Variants in DDRGK1 observed in about 807,000 individuals in gnomAD.
DDRGK1 encodes the protein DDRGK domain-containing protein 1.
Under a neutral mutation model 45.8 loss-of-function variants are expected in DDRGK1, and 38 were observed. The observed-to-expected ratio is 0.83, with a 90% confidence interval of 0.64 to 1.09. DDRGK1 has a LOEUF of 1.09. Ranked by LOEUF, DDRGK1 falls within the 50% of genes least tolerant of loss-of-function variation. The pLI is 0.00. For missense variants in DDRGK1, 403 were observed against 419.9 expected (o/e 0.96, Z 0.35); for synonymous variants, 171 against 168.7 (o/e 1.01, Z -0.11).
At chr20:3,193,586 G>C (rs1366972547) in intron 6 of DDRGK1, among the ~76,000 whole-genome samples, 1 of 152,294 alleles carries the variant, frequency 6.6e-6, no homozygotes, top group South Asian at 2.1e-4. Flanking sequence ...GCCCAGGCTA[G>C]TCTCAAACTC....
At chr20:3,195,150 G>T in intron 5 of DDRGK1, 81 bp downstream of exon 5, 4 of 1,605,244 alleles carry the variant, frequency 2.5e-6, no homozygotes, top group Non-Finnish European at 3.4e-6. Context: ...GGGGCGTCTG[G>T]GATGGGGTGG....
intron 1 of DDRGK1, among the ~76,000 whole-genome samples, chr20:3,204,018 G>A (rs1369375468): frequency 6.6e-6 from 1 of 152,208 alleles, no homozygotes; most frequent in Non-Finnish European, 1.5e-5. Context: ...TTCTGATCGG[G>A]GAGCGGATTG....
In DDRGK1 at chr20:3,194,833, G is replaced by T; in HGVS notation, c.669C>A (p.Ile223=). ...GCTCTGTTCAGTGGCTTCTTACCTT[G>T]ATGTAGTTGATGAACTCTGTCAGGA... is the stretch of plus-strand genomic sequence containing the variant. ...QSFLTEFINY[I]KQSKVVLLED... is the part of the protein sequence containing the mutation. The change falls in exon 6 of 9, where the codon ATC becomes ATA. Residue 223 remains isoleucine, a synonymous_variant. Coordinates refer to ENST00000354488, the MANE Select transcript of DDRGK1 (RefSeq NM_023935.3). 2 of 1,614,156 alleles carry T rather than the reference G, an allele frequency of 1.2e-6. No homozygotes were observed. Among genetic ancestry groups the T allele is most frequent in the Non-Finnish European group, 1.7e-6 (2 of 1,180,006 alleles).
intron 4 of DDRGK1, among the ~76,000 whole-genome samples, chr20:3,196,693 A>G (rs1048152872): frequency 6.6e-6 from 1 of 151,976 alleles, no homozygotes; most frequent in Non-Finnish European, 1.5e-5. Flanking sequence ...AAACAAAAAC[A>G]AGAATCAGAA....
Position 3,200,091 on chromosome 20 carries a change from A to C in DDRGK1, c.420T>G (p.Ala140=). 6.2e-7 allele frequency: 1 copy of C among 1,613,642 alleles called. No homozygotes were observed. The highest frequency in any genetic ancestry group is 1.3e-5 in the African/African-American group (1 of 75,024). The part of the protein sequence containing the change: ...ARKAQREAEE[A]EREERKRLES... ...CGAGTCGTTTCCGCTCCTCACGTTC[A>C]GCCTCCTCTGCCTGGAGAGAGGTCT... The change falls in exon 4 of 9, where the codon GCT becomes GCG. Residue 140 remains alanine, a synonymous_variant. Transcript: ENST00000354488.
rs775434161 is a variant in DDRGK1 at position 3,203,337 on chromosome 20, C to T, written c.171G>A (p.Glu57=). The T allele has an allele frequency of 1.9e-6, 3 of 1,608,952 alleles. No homozygotes were observed. The Admixed American group carries it at 5.0e-5, about 27-fold the overall frequency. The part of the protein sequence containing the change: ...VAQPGPLEPE[E]PRAGGRPRRR... ...GCCGAGGCCTGCCTCCAGCTCTCGG[C>T]TCCTCAGGCTCCAGGGGCCCAGGCT... Residue 57 remains glutamate (E), a synonymous_variant, in exon 2 of 9, where the codon GAG becomes GAA. Coordinates refer to ENST00000354488, the MANE Select transcript of DDRGK1 (RefSeq NM_023935.3).
chr20:3,204,382 C>CG (rs971202793), intron 1 of DDRGK1, among the ~76,000 whole-genome samples, 155 bp downstream of exon 1: 3 of 152,102 alleles, frequency 2.0e-5, no homozygotes, highest in Non-Finnish European at 4.4e-5. Context: ...TAGGGCACTG[C>CG]GGAAGCCCCA....
chr20:3,203,070 G>C (rs896530904), intron 2 of DDRGK1, 143 bp downstream of exon 2: 1 of 736,622 alleles, frequency 1.4e-6, no homozygotes, highest in Admixed American at 3.6e-5. Context: ...CAGGTCCCAA[G>C]TCCCCCCCTA....
chr20:3,204,420 G>A, intron 1 of DDRGK1, 117 bp downstream of exon 1: 1 of 1,031,590 alleles, frequency 9.7e-7, no homozygotes, highest in East Asian at 2.6e-5. Flanking sequence ...GCACGGACGC[G>A]CATGCGTCCC....
At chr20:3,202,002 CG>C (rs1486989403) in intron 2 of DDRGK1, among the ~76,000 whole-genome samples, 3 of 143,828 alleles carry the variant, frequency 2.1e-5, no homozygotes, top group African/African-American at 7.8e-5. Flanking sequence ...TTTTTGGAGA[CG>C]GAGTCTCGCT....
At chr20:3,196,847 C>T (rs1287428880) in intron 4 of DDRGK1, among the ~76,000 whole-genome samples, 1 of 118,762 alleles carries the variant, frequency 8.4e-6, no homozygotes, top group Non-Finnish European at 1.7e-5. Context: ...AAAGCTGGAA[C>T]AATCTCAACA....
intron 2 of DDRGK1, 127 bp from the exon 3 acceptor site, chr20:3,200,581 C>T: frequency 1.3e-6 from 1 of 756,310 alleles, no homozygotes; most frequent in Non-Finnish European, 2.2e-6. Context: ...TGTCACTAGC[C>T]CAGCTCTGCC....
Position 3,204,537 on chromosome 20 carries a change from C to G in DDRGK1, c.91G>C (p.Ala31Pro), listed in dbSNP as rs1002497749. 1 of 1,559,554 alleles carries G rather than the reference C, an allele frequency of 6.4e-7. No individual in the cohort carries two copies. The highest frequency in any genetic ancestry group is 8.6e-7 in the Non-Finnish European group (1 of 1,159,262). Residue 31 changes from alanine to proline, a missense_variant and splice_region_variant, in exon 1 of 9, where the codon GCC (alanine) becomes CCC (proline). Physicochemically the swap from Ala to Pro is conservative, Grantham distance 27. Coordinates refer to ENST00000354488, the MANE Select transcript of DDRGK1 (RefSeq NM_023935.3). ...ACCCTGGTGCAGCGGCATCTCCTAC[C>G]TGATGCCGCCCGGCCCCGGCTGCGA... ...LTRSRGRAAS[A>P]GQEPLHNEEL...
intron 4 of DDRGK1, among the ~76,000 whole-genome samples, chr20:3,197,803 G>A (rs1370914568): frequency 2.6e-5 from 4 of 151,440 alleles, no homozygotes; most frequent in Admixed American, 6.6e-5. Flanking sequence ...GGTGGTGCAC[G>A]TCTGTCATCC....
At chr20:3,198,150 G>A (rs1303514634) in intron 4 of DDRGK1, among the ~76,000 whole-genome samples, 3 of 143,882 alleles carry the variant, frequency 2.1e-5, no homozygotes, top group African/African-American at 5.1e-5. Context: ...GCTCATGCCT[G>A]TAATCCCAGC....
chr20:3,202,284 G>A (rs1279584361), intron 2 of DDRGK1, among the ~76,000 whole-genome samples: 1 of 152,156 alleles, frequency 6.6e-6, no homozygotes, highest in Non-Finnish European at 1.5e-5. Flanking sequence ...TCTGAATGCT[G>A]GTCTCACCTA....
chr20:3,196,476 G>A (rs992554582), intron 4 of DDRGK1, among the ~76,000 whole-genome samples: 5 of 151,078 alleles, frequency 3.3e-5, no homozygotes, highest in African/African-American at 7.3e-5. Flanking sequence ...AGGAGATCGA[G>A]ACCATCCTGG....
chr20:3,195,144 C>T (rs1161276553), intron 5 of DDRGK1, 87 bp downstream of exon 5: 27 of 1,598,830 alleles, frequency 1.7e-5, no homozygotes, highest in South Asian at 2.3e-5. Flanking sequence ...TGGCCAGGGG[C>T]GTCTGGGATG....
chr20:3,199,000 A>G (rs6076490), intron 4 of DDRGK1, among the ~76,000 whole-genome samples: 2 of 148,506 alleles, frequency 1.3e-5, no homozygotes, highest in Non-Finnish European at 3.0e-5. Context: ...AAAAAAAATT[A>G]GCCAGGCATG....
Sources: gnomAD v4.1 joint callset for allele counts (sites outside exome capture counted in the v4.1 genomes callset) on GRCh38, gnomAD v4.1.1 for gene constraint, MANE v1.5 for transcripts, NCBI Gene and HGNC (gene_info 2026-07-23, HGNC 2026-07-21) for gene names.